TENM2: variants seen among roughly 807,000 people sequenced by gnomAD.
TENM2 encodes the protein teneurin transmembrane protein 2.
A neutral mutation model predicts 245.2 loss-of-function variants in TENM2; 52 were observed. The observed-to-expected ratio is 0.21, with a 90% CI of 0.17 to 0.27. The LOEUF is 0.27. Among genes scored for constraint, TENM2 ranks in the 10% least tolerant of loss-of-function variants. The pLI, the probability that TENM2 is intolerant of heterozygous loss-of-function variation, is 1.00. For synonymous variants in TENM2, 1,363 were observed against 1,438.9 expected, an observed-to-expected ratio of 0.95 and a Z score of 1.19; for missense variants, 3,046 against 3,666.8, an observed-to-expected ratio of 0.83 and a Z score of 4.37.
intron 2 of TENM2, among the ~76,000 whole-genome samples, chr5:167,659,277 T>C (rs1208063500): frequency 6.6e-6 from 1 of 152,242 alleles, no homozygotes; most frequent in Non-Finnish European, 1.5e-5. Context: ...GCTTATTTGT[T>C]GTTGTATTGA....
chr5:167,081,527 G>T, the TENM2 span, among the ~76,000 whole-genome samples: 1 of 152,114 alleles, frequency 6.6e-6, no homozygotes, highest in Admixed American at 6.5e-5. Flanking sequence ...AAATTCAGAG[G>T]AAAGAGTTAT....
chr5:168,238,178 AGAGAGAGGGAGG>A (rs1241330798), intron 25 of TENM2, among the ~76,000 whole-genome samples: 1,038 of 69,760 alleles, frequency 0.015, 250 homozygotes, highest in African/African-American at 0.099. Context: ...AGAGAGAGAG[AGAGAGAGGGAGG>A]GAGGGAGGGA....
intron 2 of TENM2, among the ~76,000 whole-genome samples, chr5:167,745,275 C>T (rs1761478636): frequency 6.6e-6 from 1 of 152,204 alleles, no homozygotes; most frequent in Admixed American, 6.5e-5. Flanking sequence ...GCTGCTCCAA[C>T]CATCCTCTAT....
the TENM2 span, among the ~76,000 whole-genome samples, chr5:167,070,273 A>G: frequency 0.2 from 27,660 of 136,214 alleles, 3,817 homozygotes; most frequent in East Asian, 0.43. Context: ...ACCTGCCACC[A>G]CGCCCGGCTA....
chr5:168,115,438 GAAA>G (rs1316255706), intron 9 of TENM2, among the ~76,000 whole-genome samples: 2 of 142,154 alleles, frequency 1.4e-5, no homozygotes. Context: ...GAAAAAAAAA[GAAA>G]AAAATTTTAT....
At chr5:167,931,009 A>G (rs1778240321) in intron 3 of TENM2, among the ~76,000 whole-genome samples, 1 of 152,198 alleles carries the variant, frequency 6.6e-6, no homozygotes, top group African/African-American at 2.4e-5. Flanking sequence ...AAAAAGCAGA[A>G]GATCGCAAAC....
chr5:167,969,629 C>T (rs142805919), intron 4 of TENM2, among the ~76,000 whole-genome samples: 7 of 152,310 alleles, frequency 4.6e-5, no homozygotes, highest in African/African-American at 1.7e-4. Context: ...TACTTAAACT[C>T]AGGCTTTGGG....
chr5:167,837,158 A>G (rs1769080327), intron 2 of TENM2, among the ~76,000 whole-genome samples: 1 of 151,970 alleles, frequency 6.6e-6, no homozygotes, highest in African/African-American at 2.4e-5. Context: ...ATTCTTGTAA[A>G]ATTTTATTTG....
At chr5:167,615,924 T>C (rs1175068622) in intron 2 of TENM2, among the ~76,000 whole-genome samples, 1 of 152,158 alleles carries the variant, frequency 6.6e-6, no homozygotes, top group East Asian at 1.9e-4. Flanking sequence ...AAAAGGCCAT[T>C]AGATAGAATT....
intron 2 of TENM2, among the ~76,000 whole-genome samples, chr5:167,538,663 C>T (rs1338691262): frequency 6.6e-6 from 1 of 152,178 alleles, no homozygotes; most frequent in East Asian, 1.9e-4. Flanking sequence ...TGACTATAAA[C>T]CTCAAAGCCA....
chr5:167,753,915 A>G (rs1762116851), intron 2 of TENM2, among the ~76,000 whole-genome samples: 1 of 152,124 alleles, frequency 6.6e-6, no homozygotes, highest in Non-Finnish European at 1.5e-5. Flanking sequence ...TTTGGTAATG[A>G]GCCATTATGC....
intron 2 of TENM2, among the ~76,000 whole-genome samples, chr5:167,512,421 G>A (rs772383717): frequency 1.3e-5 from 2 of 152,086 alleles, no homozygotes; most frequent in African/African-American, 2.4e-5. Context: ...CCCTAACACT[G>A]ATGCTAAGGT....
chr5:167,210,671 G>T, the TENM2 span, among the ~76,000 whole-genome samples: 3 of 150,898 alleles, frequency 2.0e-5, no homozygotes, highest in Admixed American at 6.6e-5. Flanking sequence ...CACCTTGTTA[G>T]CCAGGATGGT....
At chr5:166,979,149 G>T in the TENM2 span, among the ~76,000 whole-genome samples, 1 of 151,486 alleles carries the variant, frequency 6.6e-6, no homozygotes, top group Non-Finnish European at 1.5e-5. Flanking sequence ...GTGCTTGGGC[G>T]TCCTCCTCCT....
At chr5:168,004,094 T>A (rs759522441) in intron 5 of TENM2, among the ~76,000 whole-genome samples, 1 of 152,186 alleles carries the variant, frequency 6.6e-6, no homozygotes, top group African/African-American at 2.4e-5. Context: ...TGTCTTCAAA[T>A]GTATTGTCGT....
At chr5:167,936,530 TCA>T (rs931525375) in intron 3 of TENM2, among the ~76,000 whole-genome samples, 4 of 152,234 alleles carry the variant, frequency 2.6e-5, no homozygotes, top group African/African-American at 9.6e-5. Flanking sequence ...CAGAGTAGCC[TCA>T]GTGTCTCTGC....
rs148538583 is a variant in TENM2, at chr5:167,481,751, C to T, written c.502+106278C>T. ...ACACTGACTTTGAGCCTCAATTAAG[C>T]AAACTGTTAGCATATACATACAAAA... On this transcript the variant is annotated intron_variant, in intron 2 of 28. Coordinates refer to ENST00000518659, the Ensembl canonical transcript of TENM2. 1.7e-3 allele frequency among the ~76,000 whole-genome samples: 263 copies of T among 152,268 alleles called. 3 individuals are homozygous for T. Among genetic ancestry groups the T allele is most frequent in the African/African-American group, 5.9e-3 (245 of 41,560 alleles).
intron 2 of TENM2, among the ~76,000 whole-genome samples, chr5:167,635,866 G>C (rs766202966): frequency 6.6e-6 from 1 of 150,838 alleles, no homozygotes; most frequent in African/African-American, 2.4e-5. Flanking sequence ...GGATGGTCTC[G>C]ATCTCCTGAC....
intron 5 of TENM2, among the ~76,000 whole-genome samples, chr5:168,042,644 C>T (rs142287944): frequency 7.2e-5 from 11 of 152,226 alleles, no homozygotes; most frequent in African/African-American, 2.6e-4. Context: ...GTGTCACTCC[C>T]TTGCAGTATT....
Sources: gnomAD v4.1 joint callset for allele counts (sites outside exome capture counted in the v4.1 genomes callset) on GRCh38, gnomAD v4.1.1 for gene constraint, MANE v1.5 for transcripts, NCBI Gene and HGNC (gene_info 2026-07-23, HGNC 2026-07-21) for gene names.